Variants in COG2 observed in about 807,000 individuals in gnomAD.
The protein encoded by COG2 is component of oligomeric golgi complex 2, also known as conserved oligomeric Golgi complex subunit 2.
COG2 carries 52 observed loss-of-function variants against 90.6 expected under a neutral mutation model. That is an observed-to-expected ratio of 0.57 (90% confidence interval 0.46 to 0.72). COG2 has a LOEUF of 0.72. Ranked by LOEUF, COG2 falls within the 30% of genes least tolerant of loss-of-function variation. The pLI is 0.00. For synonymous variants in COG2, 337 were observed against 320.4 expected, an observed-to-expected ratio of 1.05 and a Z score of -0.55; for missense variants, 829 against 891.2, an observed-to-expected ratio of 0.93 and a Z score of 0.89.
chr1:230,682,823 G>T (rs1338335773), intron 10 of COG2: 1 of 152,214 alleles, frequency 6.6e-6, no homozygotes, highest in African/African-American at 2.4e-5. Context: ...GAGTTATATA[G>T]TTAGAAAACA....
chr1:230,666,905 T>A (rs1478310404), intron 5 of COG2, among the ~76,000 whole-genome samples: 1 of 152,254 alleles, frequency 6.6e-6, no homozygotes, highest in Non-Finnish European at 1.5e-5. Context: ...TGATCCCTTC[T>A]GCTTTCTTTA....
At chr1:230,688,847 G>A (rs1321869917) in intron 15 of COG2, among the ~76,000 whole-genome samples, 1 of 152,118 alleles carries the variant, frequency 6.6e-6, no homozygotes, top group Non-Finnish European at 1.5e-5. Flanking sequence ...TTTTTCAGAA[G>A]AAAGCATTTT....
At position 230,678,940 on chromosome 1, in the gene COG2, A is replaced by G. The variant is rs552209403; in HGVS notation, c.1054A>G (p.Arg352Gly). Residue 352 changes from arginine to glycine, a missense_variant, in exon 10 of 18, where the codon AGA (arginine) becomes GGA (glycine). Transcript: ENST00000366669. Reference sequence around the variant, plus strand: ...ATATACCATAAGTATGGATTTTGTCAGAAGATTGGAACGGCAGTGTGGATC... The same window carrying G: ...ATATACCATAAGTATGGATTTTGTCGGAAGATTGGAACGGCAGTGTGGATC... ...EKYTISMDFV[R>G]RLERQCGSQA... is the part of the protein sequence containing the mutation. 1.9e-6 allele frequency: 3 copies of G among 1,613,012 alleles called. No homozygotes were observed. Among genetic ancestry groups the G allele is most frequent in the Admixed American group, 3.3e-5 (2 of 59,926 alleles).
intron 1 of COG2, among the ~76,000 whole-genome samples, chr1:230,643,694 C>T (rs1661685295): frequency 6.6e-6 from 1 of 151,934 alleles, no homozygotes; most frequent in Non-Finnish European, 1.5e-5. Flanking sequence ...TCCAGTGTGA[C>T]CATATCATTT....
chr1:230,685,146 G>A lies in COG2; in HGVS notation c.1290G>A (p.Trp430Ter). 6.2e-7 allele frequency: 1 copy of A among 1,614,186 alleles called. No individual in the cohort carries two copies. Among genetic ancestry groups the A allele is most frequent in the Non-Finnish European group, 8.5e-7 (1 of 1,180,038 alleles). Residue 430 changes from tryptophan to a stop codon, truncating the protein, a stop_gained, in exon 12 of 18, where the codon TGG becomes TGA. Transcript: ENST00000366669. LOFTEE classifies it high-confidence loss of function. ...CTTGGAGCAGCCTTAGGAGGTGTTG[G>A]TCAGATGAGATGTTCTTGCCATTAC... ...HRTWSSLRRC[W>*]SDEMFLPLLV...
At chr1:230,685,879 C>G (rs1662873590) in intron 12 of COG2, among the ~76,000 whole-genome samples, 1 of 152,156 alleles carries the variant, frequency 6.6e-6, no homozygotes, top group South Asian at 2.1e-4. Context: ...GAGTAACAGA[C>G]ACTCAGGTAA....
rs776537573 is a variant in COG2, at chr1:230,685,072, GT to G, written c.1229-7del. ...AATTCCTTAAATGTGTGTTGTTGTT[GT>G]TTTTTCTCTAGCTGAAAGTCCGTAT... On this transcript the variant is annotated splice_polypyrimidine_tract_variant and intron_variant, in intron 11 of 17. Coordinates refer to ENST00000366669, the MANE Select transcript of COG2 (RefSeq NM_007357.3). 1.2e-6 allele frequency: 2 copies of G among 1,613,596 alleles called. No individual in the cohort carries two copies. The highest frequency in any genetic ancestry group is 2.2e-5 in the South Asian group (2 of 91,002).
chr1:230,665,188 T>C (rs1315554436), intron 5 of COG2, among the ~76,000 whole-genome samples: 10 of 152,182 alleles, frequency 6.6e-5, no homozygotes, highest in Non-Finnish European at 2.9e-5. Context: ...GGAAACTCCA[T>C]GGTGCAGTGG....
chr1:230,647,841 AATT>A (rs1262854418), intron 1 of COG2, among the ~76,000 whole-genome samples: 1 of 136,090 alleles, frequency 7.3e-6, no homozygotes, highest in African/African-American at 2.8e-5. Flanking sequence ...TTATTTTTTT[AATT>A]ATTTTTTTAA....
chr1:230,691,325 T>C, intron 16 of COG2, 59 bp from the exon 17 acceptor site: 4 of 1,436,562 alleles, frequency 2.8e-6, no homozygotes, highest in Non-Finnish European at 2.8e-6. Flanking sequence ...AGCCAGTTAC[T>C]CTATTTGGTG....
At chr1:230,679,076 C>A in intron 10 of COG2, 24 bp downstream of exon 10, 2 of 1,594,656 alleles carry the variant, frequency 1.3e-6, no homozygotes, top group Non-Finnish European at 1.7e-6. Context: ...TCACCGCCCC[C>A]GCCCCGCACC....
chr1:230,646,260 C>T (rs1306922477), intron 1 of COG2, among the ~76,000 whole-genome samples: 2 of 152,126 alleles, frequency 1.3e-5, no homozygotes, highest in Admixed American at 1.3e-4. Flanking sequence ...GGTTTCTGGC[C>T]CCATCATTCC....
chr1:230,649,990 G>A (rs945523903), intron 1 of COG2, among the ~76,000 whole-genome samples: 4 of 152,014 alleles, frequency 2.6e-5, no homozygotes, highest in Non-Finnish European at 2.9e-5. Context: ...TTTCTGTTTC[G>A]GAGTTAGTTC....
At chr1:230,686,019 C>T (rs1021211874) in intron 12 of COG2, among the ~76,000 whole-genome samples, 1 of 152,230 alleles carries the variant, frequency 6.6e-6, no homozygotes, top group Non-Finnish European at 1.5e-5. Flanking sequence ...CCCAGTCATC[C>T]TCTTGCAGTG....
intron 9 of COG2, 62 bp downstream of exon 9, chr1:230,675,186 T>C: frequency 1.3e-6 from 2 of 1,552,968 alleles, no homozygotes; most frequent in South Asian, 2.5e-5. Context: ...AGAAATATCA[T>C]GTTCTCTTCT....
rs758011869 is a variant in COG2, at chr1:230,663,198, CAA to C, written c.359_360del (p.Gln120ArgfsTer4). 2 of 1,607,038 alleles carry C rather than the reference CAA, an allele frequency of 1.2e-6. No individual in the cohort carries two copies. The highest frequency in any genetic ancestry group is 1.7e-5 in the Admixed American group (1 of 59,382). On this transcript the variant is annotated frameshift_variant, in exon 4 of 18. Transcript: ENST00000366669. LOFTEE classifies it high-confidence loss of function. ...IRAVDERMSK[Q>X]EDIRKKKMCV... The stretch of plus-strand genomic sequence containing the variant: ...GGCAGTTGATGAACGAATGTCTAAA[CAA>C]GAGGACATTAGGAAAAAAAAGGTAT...
intron 10 of COG2, chr1:230,681,847 A>C (rs535336559): frequency 3.5e-4 from 54 of 152,360 alleles, no homozygotes; most frequent in African/African-American, 1.3e-3. Context: ...GAGCACACCT[A>C]GGCCAAGTGA....
At chr1:230,674,371 T>A (rs1430632816) in intron 8 of COG2, among the ~76,000 whole-genome samples, 1 of 152,210 alleles carries the variant, frequency 6.6e-6, no homozygotes, top group Non-Finnish European at 1.5e-5. Context: ...CAGTGCTGCC[T>A]GTCATCTACA....
chr1:230,657,145 G>A (rs1662077687), intron 1 of COG2, among the ~76,000 whole-genome samples: 1 of 152,118 alleles, frequency 6.6e-6, no homozygotes, highest in South Asian at 2.1e-4. Flanking sequence ...GTTAGTTGAT[G>A]CAGTTTCTTC....
Sources: allele counts gnomAD v4.1 joint callset (sites outside exome capture counted in the v4.1 genomes callset), GRCh38; gene constraint gnomAD v4.1.1; transcripts MANE v1.5; gene names NCBI Gene and HGNC (gene_info 2026-07-23, HGNC 2026-07-21).